Variants in SUCLG2 observed in about 807,000 individuals in gnomAD.
SUCLG2 encodes succinate--CoA ligase [GDP-forming] subunit beta, mitochondrial.
In SUCLG2, 42 loss-of-function variants were observed where a neutral mutation model predicts 47.9. The observed-to-expected ratio is 0.88, with a 90% CI of 0.69 to 1.14. The LOEUF is 1.14. SUCLG2 is among the 50% of genes most tolerant of loss of function. SUCLG2 has a pLI of 0.00. For synonymous variants in SUCLG2, 195 were observed against 197.3 expected, an observed-to-expected ratio of 0.99 and a Z score of 0.10; for missense variants, 571 against 525.9, an observed-to-expected ratio of 1.09 and a Z score of -0.84.
chr3:67,444,682 G>GT (rs2106922171), intron 9 of SUCLG2, among the ~76,000 whole-genome samples: 2 of 13,708 alleles, frequency 1.5e-4, no homozygotes, highest in East Asian at 3.4e-3. Context: ...CGTCTGGGAG[G>GT]GAGGTGGGGG....
intron 1 of SUCLG2, among the ~76,000 whole-genome samples, chr3:67,618,871 T>C (rs1700679266): frequency 6.6e-6 from 1 of 152,168 alleles, no homozygotes; most frequent in Non-Finnish European, 1.5e-5. Context: ...AAAAGTACTT[T>C]AAAGTTCCCG....
chr3:67,475,507 G>A (rs187464019), intron 9 of SUCLG2, among the ~76,000 whole-genome samples: 4 of 152,294 alleles, frequency 2.6e-5, no homozygotes, highest in African/African-American at 9.6e-5. Context: ...TTTCCAAAGA[G>A]ATCCTGTAAC....
intron 9 of SUCLG2, among the ~76,000 whole-genome samples, chr3:67,476,250 A>G (rs1296225890): frequency 6.6e-6 from 1 of 151,914 alleles, no homozygotes; most frequent in Non-Finnish European, 1.5e-5. Flanking sequence ...TGGGCAAGCA[A>G]ACGAAGCTTC....
intron 9 of SUCLG2, among the ~76,000 whole-genome samples, chr3:67,415,240 T>C (rs1703012239): frequency 6.6e-6 from 1 of 152,064 alleles, no homozygotes; most frequent in Admixed American, 6.5e-5. Context: ...AGAATAAAGC[T>C]ACACAGAGAG....
chr3:67,459,971 C>T (rs1386043591), intron 9 of SUCLG2, among the ~76,000 whole-genome samples: 1 of 152,212 alleles, frequency 6.6e-6, no homozygotes, highest in East Asian at 1.9e-4. Flanking sequence ...TTCTTAAACA[C>T]AGCCTTGCCA....
rs1434764619 is a variant in SUCLG2 at position 67,498,379 on chromosome 3, A to G, written c.758-84T>C. ...TCTTCAGGCTGGTAGGCACAAGCGA[A>G]GGGAAAGTTAAGTACTGTCATTTTT... On this transcript the variant is annotated intron_variant, in intron 7 of 10. Transcript: ENST00000307227. 4.2e-6 allele frequency: 6 copies of G among 1,439,424 alleles called. No individual in the cohort carries two copies. The African/African-American group carries it at 7.0e-5, about 17-fold the overall frequency. 89.2% of individuals were successfully genotyped at this position (1,439,424 alleles called of 1,614,324 possible).
At chr3:67,559,323 A>T (rs1707246033) in intron 2 of SUCLG2, among the ~76,000 whole-genome samples, 1 of 152,226 alleles carries the variant, frequency 6.6e-6, no homozygotes, top group African/African-American at 2.4e-5. Flanking sequence ...TAATTTATAA[A>T]GGAAAGAGGT....
At chr3:67,593,383 T>C (rs1390748208) in intron 2 of SUCLG2, among the ~76,000 whole-genome samples, 1 of 151,892 alleles carries the variant, frequency 6.6e-6, no homozygotes, top group Non-Finnish European at 1.5e-5. Context: ...GCATATTCAA[T>C]TGGTCTAACA....
intron 2 of SUCLG2, among the ~76,000 whole-genome samples, chr3:67,608,836 C>G (rs987368784): frequency 1.3e-5 from 2 of 152,090 alleles, no homozygotes; most frequent in Admixed American, 1.3e-4. Flanking sequence ...CACCACCATA[C>G]TAGGCTAATT....
intron 2 of SUCLG2, among the ~76,000 whole-genome samples, chr3:67,568,658 C>T (rs1380625083): frequency 2.0e-5 from 3 of 152,068 alleles, no homozygotes; most frequent in Admixed American, 1.3e-4. Context: ...GAGGCCGAGG[C>T]GGGCGGATCA....
chr3:67,456,213 T>C (rs1704182546), intron 9 of SUCLG2, among the ~76,000 whole-genome samples: 1 of 152,192 alleles, frequency 6.6e-6, no homozygotes, highest in African/African-American at 2.4e-5. Flanking sequence ...GATACATGAA[T>C]ATCTTAAATT....
At chr3:67,569,073 C>T (rs1408116408) in intron 2 of SUCLG2, among the ~76,000 whole-genome samples, 1 of 152,098 alleles carries the variant, frequency 6.6e-6, no homozygotes, top group Non-Finnish European at 1.5e-5. Flanking sequence ...ATGATCCCCA[C>T]CCCTATCCTA....
At chr3:67,404,971 T>C (rs924668002) in intron 9 of SUCLG2, among the ~76,000 whole-genome samples, 4 of 150,728 alleles carry the variant, frequency 2.7e-5, no homozygotes, top group Admixed American at 2.6e-4. Context: ...AAAGAGAATT[T>C]TTTTTTTTTT....
chr3:67,375,755 C>T lies in SUCLG2; in HGVS notation c.1288G>A (p.Ala430Thr). ...DAAKKAVASV[A>T]KK ...TCAGGACAAAGACATCACTTCTTGGCCACACTGGCCACAGCCTTCTTGGCT... is the reference window on the plus strand; with the variant it reads ...TCAGGACAAAGACATCACTTCTTGGTCACACTGGCCACAGCCTTCTTGGCT... Residue 430 changes from alanine (A) to threonine (T), a missense_variant, in exon 11 of 11, where the codon GCC becomes ACC. Physicochemically the swap from Ala to Thr is moderately conservative, Grantham distance 58. Transcript: ENST00000307227. The T allele has an allele frequency of 6.2e-7, 1 of 1,613,062 alleles. No individual in the cohort carries two copies. The highest frequency in any genetic ancestry group is 8.5e-7 in the Non-Finnish European group (1 of 1,179,712).
intron 2 of SUCLG2, among the ~76,000 whole-genome samples, chr3:67,558,037 C>T (rs1323744406): frequency 6.6e-6 from 1 of 152,208 alleles, no homozygotes; most frequent in Non-Finnish European, 1.5e-5. Context: ...GCTGCACCAT[C>T]CATTATTAAT....
At chr3:67,393,804 G>C (rs1702454252) in intron 10 of SUCLG2, among the ~76,000 whole-genome samples, 1 of 152,060 alleles carries the variant, frequency 6.6e-6, no homozygotes, top group Non-Finnish European at 1.5e-5. Flanking sequence ...CACATGGCCG[G>C]GTACTCCTCT....
At chr3:67,572,275 C>G (rs1707634342) in intron 2 of SUCLG2, among the ~76,000 whole-genome samples, 2 of 152,190 alleles carry the variant, frequency 1.3e-5, no homozygotes, top group African/African-American at 4.8e-5. Context: ...GATCCCCAAC[C>G]TATCACAACA....
At chr3:67,560,374 C>G (rs942375489) in intron 2 of SUCLG2, among the ~76,000 whole-genome samples, 10 of 152,170 alleles carry the variant, frequency 6.6e-5, no homozygotes, top group Non-Finnish European at 1.5e-4. Context: ...CAATCAATTT[C>G]TGTTGTTCAG....
At chr3:67,525,497 A>G (rs1706231907) in intron 4 of SUCLG2, among the ~76,000 whole-genome samples, 1 of 152,220 alleles carries the variant, frequency 6.6e-6, no homozygotes, top group Non-Finnish European at 1.5e-5. Flanking sequence ...GAATTTTGAC[A>G]AAGATGTAAA....
Sources: gnomAD v4.1 joint callset for allele counts (sites outside exome capture counted in the v4.1 genomes callset) on GRCh38, gnomAD v4.1.1 for gene constraint, MANE v1.5 for transcripts, NCBI Gene and HGNC (gene_info 2026-07-23, HGNC 2026-07-21) for gene names.